Variants in RBMS1 observed in about 807,000 individuals in gnomAD.
RBMS1 encodes RNA binding motif single stranded interacting protein 1, also known as RNA-binding motif, single-stranded-interacting protein 1.
A neutral mutation model predicts 62.3 loss-of-function variants in RBMS1; 17 were observed. The observed-to-expected ratio is 0.27, with a 90% CI of 0.19 to 0.41. The LOEUF (loss-of-function observed/expected upper bound fraction) is 0.41. Among genes scored for constraint, RBMS1 ranks in the 10% least tolerant of loss-of-function variants. The probability of loss-of-function intolerance (pLI) is 1.00; values close to 1 mark genes in which losing one functional copy is unlikely to be tolerated. For missense variants in RBMS1, 334 were observed against 504.5 expected (o/e 0.66, Z 3.24); for synonymous variants, 172 against 170.0 (o/e 1.01, Z -0.09).
At chr2:160,275,812 T>G in intron 12 of RBMS1, 98 bp from the exon 13 acceptor site, 1 of 1,531,912 alleles carries the variant, frequency 6.5e-7, no homozygotes, top group Non-Finnish European at 8.9e-7. Context: ...TTAAAAACAG[T>G]TACTCTTTAA....
At chr2:160,476,656 G>C (rs544272993) in intron 1 of RBMS1, among the ~76,000 whole-genome samples, 4 of 144,314 alleles carry the variant, frequency 2.8e-5, no homozygotes, top group African/African-American at 1.0e-4. Flanking sequence ...CCGGGTTCAC[G>C]CCATTCTCCT....
chr2:160,351,274 T>A (rs1330184998), intron 2 of RBMS1, among the ~76,000 whole-genome samples: 2 of 151,628 alleles, frequency 1.3e-5, no homozygotes, highest in Admixed American at 6.6e-5. Context: ...CATATATACA[T>A]ATGTAACAAA....
At chr2:160,296,600 A>G (rs1421578385) in intron 6 of RBMS1, among the ~76,000 whole-genome samples, 1 of 152,228 alleles carries the variant, frequency 6.6e-6, no homozygotes, top group Non-Finnish European at 1.5e-5. Context: ...TTCTGGCTGG[A>G]ATGAATCTAA....
intron 2 of RBMS1, among the ~76,000 whole-genome samples, chr2:160,363,473 G>T (rs1693237684): frequency 6.6e-6 from 1 of 152,112 alleles, no homozygotes. Context: ...GGGGAGGGGA[G>T]GCACCGGATG....
Position 160,273,580 on chromosome 2 carries a change from C to A in RBMS1, c.*1192G>T, listed in dbSNP as rs1687679939. The A allele has an allele frequency of 6.6e-6, 1 of 152,028 alleles. No homozygotes were observed. Among genetic ancestry groups the A allele is most frequent in the African/African-American group, 2.4e-5 (1 of 41,372 alleles). The allele number at this position is 152,028 out of a possible 1,614,324, so 9.4% of individuals were successfully genotyped here. A position where few individuals can be genotyped will look rare whatever the true frequency, so the allele number is the denominator to read the frequency against. On this transcript the variant is annotated 3_prime_UTR_variant, in exon 14 of 14. Transcript: ENST00000348849. ...TCTCAGCTTATGTTTGAAGATAAAT[C>A]CTTACTTTTAGCTTTTGCCACTTTG...
intron 1 of RBMS1, among the ~76,000 whole-genome samples, chr2:160,379,409 G>C (rs978070016): frequency 2.0e-4 from 31 of 152,300 alleles, no homozygotes; most frequent in African/African-American, 7.2e-4. Flanking sequence ...ACAGCCCTGA[G>C]ACTTTCCTCT....
At chr2:160,319,534 A>C (rs935380078) in intron 2 of RBMS1, among the ~76,000 whole-genome samples, 1 of 152,106 alleles carries the variant, frequency 6.6e-6, no homozygotes, top group African/African-American at 2.4e-5. Context: ...AAACAAATCA[A>C]ATCAAAGTAA....
In RBMS1 at chr2:160,384,804, T is replaced by C. The variant is rs573169090; in HGVS notation, c.76-17413A>G. Among the ~76,000 whole-genome samples, 5 of 152,326 alleles carry C rather than the reference T, an allele frequency of 3.3e-5. No individual in the cohort carries two copies. In the South Asian group the frequency reaches 8.3e-4, roughly 25 times the overall value. On this transcript the variant is annotated intron_variant, in intron 1 of 13. Coordinates refer to ENST00000348849, the MANE Select transcript of RBMS1 (RefSeq NM_016836.4). ...TGAGTCCATCTTTCTCAATGTCTGA[T>C]ATGGTTTAGATTTGTGTCCCTCCAA...
At chr2:160,412,534 A>G (rs1249836973) in intron 1 of RBMS1, among the ~76,000 whole-genome samples, 3 of 152,240 alleles carry the variant, frequency 2.0e-5, no homozygotes, top group African/African-American at 7.2e-5. Flanking sequence ...GCATCTCAAA[A>G]AAAGCCTTAT....
chr2:160,418,036 C>T (rs1574032789), intron 1 of RBMS1, among the ~76,000 whole-genome samples: 2 of 152,154 alleles, frequency 1.3e-5, no homozygotes, highest in African/African-American at 2.4e-5. Flanking sequence ...TCCACAATCA[C>T]GTCATTCTAC....
chr2:160,285,910 G>C (rs1235925191), intron 7 of RBMS1, among the ~76,000 whole-genome samples: 3 of 151,710 alleles, frequency 2.0e-5, no homozygotes, highest in African/African-American at 7.3e-5. Context: ...AGGAGATTGA[G>C]ACCATCCCGA....
intron 1 of RBMS1, among the ~76,000 whole-genome samples, chr2:160,470,636 C>G (rs1420088224): frequency 6.6e-6 from 1 of 152,000 alleles, no homozygotes; most frequent in Non-Finnish European, 1.5e-5. Flanking sequence ...GAAATTAGGT[C>G]TATTTCTCTA....
intron 1 of RBMS1, among the ~76,000 whole-genome samples, chr2:160,405,747 C>A (rs1299187935): frequency 6.6e-6 from 1 of 152,180 alleles, no homozygotes; most frequent in African/African-American, 2.4e-5. Flanking sequence ...CAGCAGGCTA[C>A]CCCCCTTCAC....
At chr2:160,372,276 T>A (rs540237192) in intron 1 of RBMS1, among the ~76,000 whole-genome samples, 26 of 151,992 alleles carry the variant, frequency 1.7e-4, no homozygotes, top group African/African-American at 5.8e-4. Flanking sequence ...TTTCTTCAAG[T>A]CTTCTTTAAA....
chr2:160,418,648 T>A (rs577431397), intron 1 of RBMS1, among the ~76,000 whole-genome samples: 1 of 152,300 alleles, frequency 6.6e-6, no homozygotes, highest in Admixed American at 6.5e-5. Flanking sequence ...TTCCTTTTAG[T>A]CATTTAACTG....
chr2:160,368,350 T>A (rs1382986969), intron 1 of RBMS1, among the ~76,000 whole-genome samples: 1 of 152,134 alleles, frequency 6.6e-6, no homozygotes, highest in African/African-American at 2.4e-5. Flanking sequence ...ACATCACTCA[T>A]GAACAGTTTG....
At chr2:160,282,942 G>A (rs771631545) in intron 9 of RBMS1, 3 of 152,166 alleles carry the variant, frequency 2.0e-5, no homozygotes, top group African/African-American at 7.2e-5. Context: ...GCAATGCAAT[G>A]AAATTCCATA....
chr2:160,446,854 C>T (rs72976745), intron 1 of RBMS1, among the ~76,000 whole-genome samples: 13,920 of 152,192 alleles, frequency 0.091, 727 homozygotes, highest in South Asian at 0.18. Context: ...TCTCTCCATT[C>T]TTGTCATGAA....
At chr2:160,344,479 T>C (rs906534057) in intron 2 of RBMS1, among the ~76,000 whole-genome samples, 6 of 152,202 alleles carry the variant, frequency 3.9e-5, no homozygotes, top group Admixed American at 2.6e-4. Context: ...TGTTTTTTGT[T>C]GTTGTTATTT....
Sources: gnomAD v4.1 joint callset for allele counts (sites outside exome capture counted in the v4.1 genomes callset) on GRCh38, gnomAD v4.1.1 for gene constraint, MANE v1.5 for transcripts, NCBI Gene and HGNC (gene_info 2026-07-23, HGNC 2026-07-21) for gene names.